Variants in RTF2 observed in about 807,000 individuals in gnomAD.
The protein encoded by RTF2 is UPF0549 protein C20orf43.
Under a neutral mutation model 38.0 loss-of-function variants are expected in RTF2, and 18 were observed. The observed-to-expected ratio is 0.47, with a 90% CI of 0.33 to 0.70. RTF2 has a LOEUF of 0.70. Ranked by LOEUF, RTF2 falls within the 30% of genes least tolerant of loss-of-function variation. The pLI, the probability that RTF2 is intolerant of heterozygous loss-of-function variation, is 0.02. For missense variants in RTF2, 311 were observed against 379.6 expected, an observed-to-expected ratio of 0.82 and a Z score of 1.50; for synonymous variants, 126 against 137.1, an observed-to-expected ratio of 0.92 and a Z score of 0.57.
rs1238323467 is a variant in RTF2, at chr20:56,512,296, T to C, written c.478-1019T>C. Among the ~76,000 whole-genome samples, 8 of 152,276 alleles carry C rather than the reference T, an allele frequency of 5.3e-5. No individual in the cohort carries two copies. The East Asian group carries it at 1.4e-3, about 26-fold the overall frequency. Reference sequence around the variant, plus strand: ...TCCTCGTTCTCTTTTTTTCCCTGTTTTTCCTGTCCCCAGCCGTGAGCACCT... The same window carrying C: ...TCCTCGTTCTCTTTTTTTCCCTGTTCTTCCTGTCCCCAGCCGTGAGCACCT... On this transcript the variant is annotated intron_variant, in intron 5 of 8. Coordinates refer to ENST00000357348, the MANE Select transcript of RTF2 (RefSeq NM_016407.5).
At chr20:56,471,072 A>G (rs759603777) in intron 1 of RTF2, 18 of 188,294 alleles carry the variant, frequency 9.6e-5, no homozygotes, top group Admixed American at 7.8e-4. Context: ...ATTGGCATCT[A>G]AAGTCGGGGT....
chr20:56,517,807 A>G (rs1334708623), intron 8 of RTF2, among the ~76,000 whole-genome samples: 1 of 152,100 alleles, frequency 6.6e-6, no homozygotes, highest in Non-Finnish European at 1.5e-5. Context: ...TCCTGTGCCC[A>G]TTTCCTCCCC....
intron 5 of RTF2, among the ~76,000 whole-genome samples, chr20:56,493,183 A>C (rs909907939): frequency 6.6e-6 from 1 of 152,084 alleles, no homozygotes; most frequent in Non-Finnish European, 1.5e-5. Context: ...TCCAAAAAAA[A>C]CCTATCTTAA....
At chr20:56,479,346 G>A (rs187839771) in intron 4 of RTF2, among the ~76,000 whole-genome samples, 34 of 152,002 alleles carry the variant, frequency 2.2e-4, no homozygotes, top group Admixed American at 1.7e-3. Flanking sequence ...CTGCCTCAGC[G>A]TCCCGAGTAG....
intron 6 of RTF2, chr20:56,513,965 C>T (rs1984858456): frequency 6.4e-6 from 1 of 155,216 alleles, no homozygotes; most frequent in South Asian, 2.0e-4. Context: ...CTGGGTGGGC[C>T]TGGGTGCCTG....
chr20:56,517,263 T>A, intron 8 of RTF2, 62 bp downstream of exon 8: 1 of 1,373,484 alleles, frequency 7.3e-7, no homozygotes, highest in South Asian at 1.2e-5. Context: ...GGTGGCCGAG[T>A]CCAGGTTTCA....
In RTF2 at chr20:56,474,676, A is replaced by C. The variant is rs757946812; in HGVS notation, c.165-2A>C. 6.9e-6 allele frequency: 11 copies of C among 1,596,818 alleles called. No individual in the cohort carries two copies. ...ATAATATTCTAATACTTACTATTGCAGACTTTATAACAAAGATGCCGTCAT... is the reference window on the plus strand; with the variant it reads ...ATAATATTCTAATACTTACTATTGCCGACTTTATAACAAAGATGCCGTCAT... On this transcript the variant is annotated splice_acceptor_variant, in intron 2 of 8. Coordinates refer to ENST00000357348, the MANE Select transcript of RTF2 (RefSeq NM_016407.5). LOFTEE classifies it high-confidence loss of function.
intron 5 of RTF2, among the ~76,000 whole-genome samples, chr20:56,486,896 C>A (rs556320162): frequency 6.6e-6 from 1 of 151,962 alleles, no homozygotes; most frequent in Non-Finnish European, 1.5e-5. Context: ...CAGGTGTGAT[C>A]GAGGCCTGGT....
intron 5 of RTF2, among the ~76,000 whole-genome samples, chr20:56,484,475 C>A (rs1261089243): frequency 1.3e-5 from 2 of 152,192 alleles, no homozygotes; most frequent in African/African-American, 4.8e-5. Context: ...CCCCATGAGC[C>A]CCCATTCCAT....
At chr20:56,486,627 T>C (rs1982806626) in intron 5 of RTF2, among the ~76,000 whole-genome samples, 1 of 152,072 alleles carries the variant, frequency 6.6e-6, no homozygotes, top group Non-Finnish European at 1.5e-5. Flanking sequence ...CCAGCCTGGG[T>C]GACAGAGTGA....
intron 6 of RTF2, chr20:56,514,139 C>T (rs1984868244): frequency 6.6e-6 from 1 of 152,282 alleles, no homozygotes; most frequent in South Asian, 2.1e-4. Flanking sequence ...CGTGGTGCTT[C>T]ATGCTTCATC....
chr20:56,510,577 C>G (rs1225710803), intron 5 of RTF2, among the ~76,000 whole-genome samples: 2 of 152,102 alleles, frequency 1.3e-5, no homozygotes, highest in African/African-American at 4.8e-5. Context: ...AACTTGCCAC[C>G]CAACTCATAG....
intron 5 of RTF2, among the ~76,000 whole-genome samples, chr20:56,499,284 C>T (rs1983765009): frequency 6.6e-6 from 1 of 150,794 alleles, no homozygotes; most frequent in Non-Finnish European, 1.5e-5. Context: ...ACAATCTCCG[C>T]CTCCCGGGTT....
At chr20:56,504,695 C>T (rs1014032078) in intron 5 of RTF2, among the ~76,000 whole-genome samples, 1 of 152,166 alleles carries the variant, frequency 6.6e-6, no homozygotes, top group Non-Finnish European at 1.5e-5. Flanking sequence ...CTTTCCTTTT[C>T]TGGTTTTAAA....
chr20:56,472,460 G>A (rs1600791632), intron 1 of RTF2: 2 of 1,134,610 alleles, frequency 1.8e-6, no homozygotes, highest in South Asian at 1.3e-5. Context: ...TCTTATGTCT[G>A]GATTTTCATA....
chr20:56,518,482 G>C lies in RTF2; in HGVS notation c.*217G>C, dbSNP rs564759606. The C allele has an allele frequency of 4.6e-6, 2 of 436,476 alleles. No homozygotes were observed. Among genetic ancestry groups the C allele is most frequent in the South Asian group, 6.0e-5 (1 of 16,692 alleles). The allele number at this position is 436,476 out of a possible 1,614,324, so 27.0% of individuals were successfully genotyped here. A position where few individuals can be genotyped will look rare whatever the true frequency, so the allele number is the denominator to read the frequency against. On this transcript the variant is annotated 3_prime_UTR_variant, in exon 9 of 9. Transcript: ENST00000357348. ...GGGCTGCACAGTGGCCCGAGGTCATGCTTGCTTCCACCTGCAGGTGCATTT... is the reference window on the plus strand; with the variant it reads ...GGGCTGCACAGTGGCCCGAGGTCATCCTTGCTTCCACCTGCAGGTGCATTT...
intron 5 of RTF2, among the ~76,000 whole-genome samples, chr20:56,499,144 A>C (rs1246417218): frequency 6.6e-6 from 1 of 152,076 alleles, no homozygotes; most frequent in Non-Finnish European, 1.5e-5. Context: ...CCAAACATGG[A>C]ACCTTACAGC....
intron 5 of RTF2, among the ~76,000 whole-genome samples, chr20:56,499,853 C>A (rs549121415): frequency 2.0e-5 from 3 of 152,068 alleles, no homozygotes; most frequent in African/African-American, 7.2e-5. Flanking sequence ...TCTCCTGCCT[C>A]AGCCTCCTGA....
intron 5 of RTF2, among the ~76,000 whole-genome samples, chr20:56,500,098 AGGCTGGAGTGCAAT>A (rs1398359953): frequency 6.6e-6 from 1 of 151,624 alleles, no homozygotes; most frequent in Non-Finnish European, 1.5e-5. Context: ...CTTGTTGTCA[AGGCTGGAGTGCAAT>A]GGCGTGATCT....
Sources: allele counts gnomAD v4.1 joint callset (sites outside exome capture counted in the v4.1 genomes callset), GRCh38; gene constraint gnomAD v4.1.1; transcripts MANE v1.5; gene names NCBI Gene and HGNC (gene_info 2026-07-23, HGNC 2026-07-21).